Variants in GPC6 observed in about 807,000 individuals in gnomAD.
The protein encoded by GPC6 is glypican 6.
GPC6 carries 14 observed loss-of-function variants against 55.2 expected under a neutral mutation model. That is an observed-to-expected ratio of 0.25 (90% CI 0.17 to 0.40). The LOEUF (loss-of-function observed/expected upper bound fraction) is 0.40, where lower values mean the gene tolerates loss of function less well. Among genes scored for constraint, GPC6 ranks in the 10% least tolerant of loss-of-function variants. The probability of loss-of-function intolerance (pLI) is 1.00; values close to 1 mark genes in which losing one functional copy is unlikely to be tolerated. For synonymous variants in GPC6, 278 were observed against 259.6 expected (o/e 1.07, Z -0.68); for missense variants, 641 against 708.5 (o/e 0.90, Z 1.08).
intron 4 of GPC6, among the ~76,000 whole-genome samples, chr13:94,201,864 G>A (rs900888997): frequency 1.3e-5 from 2 of 152,064 alleles, no homozygotes; most frequent in African/African-American, 2.4e-5. Flanking sequence ...CAGAAGAATC[G>A]CTTGAACCTG....
chr13:94,219,459 A>G (rs779495314), intron 4 of GPC6, among the ~76,000 whole-genome samples: 2 of 152,178 alleles, frequency 1.3e-5, no homozygotes, highest in Non-Finnish European at 2.9e-5. Context: ...TGGCAGGCTT[A>G]GAAACATATT....
At chr13:94,176,345 T>C (rs921389315) in intron 4 of GPC6, among the ~76,000 whole-genome samples, 30 of 152,100 alleles carry the variant, frequency 2.0e-4, no homozygotes, top group Non-Finnish European at 3.8e-4. Flanking sequence ...TGATCTTTTA[T>C]ACCTCTAAAG....
intron 1 of GPC6, among the ~76,000 whole-genome samples, chr13:93,511,006 T>TATGTGTATATA (rs1880947879): frequency 3.1e-4 from 22 of 71,524 alleles, no homozygotes; most frequent in South Asian, 5.8e-4. Flanking sequence ...TATATATATA[T>TATGTGTATATA]TCATGTCCTT....
At chr13:93,985,405 C>G (rs1335256107) in intron 3 of GPC6, among the ~76,000 whole-genome samples, 1 of 151,948 alleles carries the variant, frequency 6.6e-6, no homozygotes. Context: ...CCACTGCACT[C>G]CAGCCCGGGC....
At chr13:94,393,363 A>G (rs975182267) in intron 7 of GPC6, among the ~76,000 whole-genome samples, 6 of 152,154 alleles carry the variant, frequency 3.9e-5, no homozygotes, top group African/African-American at 1.2e-4. Flanking sequence ...TTCAGACGAG[A>G]TGAAGTTTTG....
intron 3 of GPC6, among the ~76,000 whole-genome samples, chr13:93,833,423 C>T (rs2138986668): frequency 6.6e-6 from 1 of 152,098 alleles, no homozygotes; most frequent in Admixed American, 6.5e-5. Context: ...AGGTTTAAGC[C>T]CTTCATAAAC....
intron 1 of GPC6, among the ~76,000 whole-genome samples, chr13:93,493,682 A>G (rs1880132770): frequency 7.3e-6 from 1 of 136,236 alleles, no homozygotes; most frequent in Admixed American, 7.4e-5. Flanking sequence ...TTCCCTCTAC[A>G]CACTGCATTG....
At chr13:93,894,984 T>A (rs142136480) in intron 3 of GPC6, among the ~76,000 whole-genome samples, 1 of 151,734 alleles carries the variant, frequency 6.6e-6, no homozygotes, top group East Asian at 1.9e-4. Context: ...TATAGAGTGG[T>A]TTATAACTTT....
intron 1 of GPC6, among the ~76,000 whole-genome samples, chr13:93,329,018 TG>T (rs1738897261): frequency 6.6e-6 from 1 of 152,150 alleles, no homozygotes; most frequent in Non-Finnish European, 1.5e-5. Flanking sequence ...TGGATCTGTG[TG>T]TTTTTAAACA....
At chr13:93,638,521 A>G (rs1194423229) in intron 2 of GPC6, among the ~76,000 whole-genome samples, 1 of 152,160 alleles carries the variant, frequency 6.6e-6, no homozygotes, top group Non-Finnish European at 1.5e-5. Context: ...TATCTTATTA[A>G]AAAATGAATA....
At chr13:93,810,873 G>T (rs1033512963) in intron 2 of GPC6, among the ~76,000 whole-genome samples, 1 of 152,122 alleles carries the variant, frequency 6.6e-6, no homozygotes, top group Non-Finnish European at 1.5e-5. Flanking sequence ...TACTTACATA[G>T]TTTTGATAAG....
At chr13:93,289,057 G>A (rs188683456) in intron 1 of GPC6, among the ~76,000 whole-genome samples, 2 of 152,316 alleles carry the variant, frequency 1.3e-5, no homozygotes, top group African/African-American at 4.8e-5. Flanking sequence ...ATGGAAGCAA[G>A]AGAAGAGACC....
chr13:93,269,104 A>T (rs1323481242), intron 1 of GPC6, among the ~76,000 whole-genome samples: 1 of 152,218 alleles, frequency 6.6e-6, no homozygotes, highest in African/African-American at 2.4e-5. Context: ...TCATTGAAAC[A>T]GAGAAGAATC....
At chr13:94,028,194 G>A (rs889682898) in intron 4 of GPC6, among the ~76,000 whole-genome samples, 4 of 152,088 alleles carry the variant, frequency 2.6e-5, no homozygotes, top group African/African-American at 9.7e-5. Flanking sequence ...GAGCTTCGGA[G>A]GTTGAGGCTA....
chr13:93,486,943 CAA>C (rs11345084), intron 1 of GPC6, among the ~76,000 whole-genome samples: 4,015 of 134,882 alleles, frequency 0.03, 172 homozygotes, highest in African/African-American at 0.1. Context: ...GACTCCATCT[CAA>C]AAAAAAAAAA....
chr13:93,976,761 T>C (rs1052153519), intron 3 of GPC6, among the ~76,000 whole-genome samples: 1 of 151,854 alleles, frequency 6.6e-6, no homozygotes, highest in African/African-American at 2.4e-5. Context: ...AGGCAGCTTG[T>C]GGCACTTCTG....
At chr13:93,828,608 T>C (rs966610529) in intron 2 of GPC6, among the ~76,000 whole-genome samples, 3 of 152,108 alleles carry the variant, frequency 2.0e-5, no homozygotes, top group Non-Finnish European at 2.9e-5. Context: ...CAACTTTATT[T>C]TACATTTAGT....
At chr13:94,216,711 G>A (rs148278046) in intron 4 of GPC6, among the ~76,000 whole-genome samples, 2,030 of 152,218 alleles carry the variant, frequency 0.013, 24 homozygotes, top group Non-Finnish European at 0.021. Flanking sequence ...AGAACCCTAG[G>A]ACTCCACTTT....
chr13:93,622,217 G>A (rs1878987674), intron 2 of GPC6, among the ~76,000 whole-genome samples: 1 of 152,108 alleles, frequency 6.6e-6, no homozygotes, highest in Admixed American at 6.6e-5. Flanking sequence ...AATGATATAA[G>A]TTGCTAATGC....
Sources: allele counts gnomAD v4.1 joint callset (sites outside exome capture counted in the v4.1 genomes callset), GRCh38; gene constraint gnomAD v4.1.1; transcripts MANE v1.5; gene names NCBI Gene and HGNC (gene_info 2026-07-23, HGNC 2026-07-21).